Variants in DZIP1L observed in about 807,000 individuals in gnomAD.
DZIP1L encodes cilium assembly protein DZIP1L.
DZIP1L carries 90 observed loss-of-function variants against 88.7 expected under a neutral mutation model. That is an observed-to-expected ratio of 1.02 (90% CI 0.86 to 1.21). DZIP1L has a LOEUF of 1.21. Among genes scored for constraint, DZIP1L ranks in the 50% most tolerant of loss-of-function variants. The probability of loss-of-function intolerance (pLI) is 0.00; values close to 1 mark genes in which losing one functional copy is unlikely to be tolerated. For synonymous variants in DZIP1L, 363 were observed against 372.1 expected, an observed-to-expected ratio of 0.98 and a Z score of 0.28; for missense variants, 932 against 955.8, an observed-to-expected ratio of 0.98 and a Z score of 0.33.
intron 12 of DZIP1L, chr3:138,068,971 CAT>C (rs769077209): frequency 7.8e-5 from 99 of 1,273,098 alleles, no homozygotes; most frequent in African/African-American, 1.5e-4. Flanking sequence ...GGGAGTCAGA[CAT>C]GTGTGGATTG....
At position 138,108,130 on chromosome 3, in the gene DZIP1L, C is replaced by A. The variant is rs774361960; in HGVS notation, c.-81-4078G>T. 114 of 909,504 alleles carry A rather than the reference C, an allele frequency of 1.3e-4. No homozygotes were observed. In the Admixed American group the frequency reaches 1.9e-3, roughly 15 times the overall value. The allele number at this position is 909,504 out of a possible 1,614,324, so 56.3% of individuals were successfully genotyped here. Reference sequence around the variant, plus strand: ...TCCCAAGTAGCTGGGACTACAGGTGCCCGCCACCATGCCTGGCTAATTTTT... The same window carrying A: ...TCCCAAGTAGCTGGGACTACAGGTGACCGCCACCATGCCTGGCTAATTTTT... On this transcript the variant is annotated intron_variant, in intron 1 of 15. Transcript: ENST00000327532.
At chr3:138,064,282 A>G in intron 15 of DZIP1L, 2 of 1,020,106 alleles carry the variant, frequency 2.0e-6, no homozygotes, top group East Asian at 5.7e-5. Flanking sequence ...ACTGGGGAGG[A>G]GCCCACTGTG....
At chr3:138,071,965 G>C (rs781547395) in intron 11 of DZIP1L, 130 bp from the exon 12 acceptor site, 9 of 877,386 alleles carry the variant, frequency 1.0e-5, no homozygotes, top group African/African-American at 3.4e-5. Context: ...TGCAGGACTG[G>C]GGGGCATGAA....
At chr3:138,095,772 ACT>A (rs1377405875) in intron 3 of DZIP1L, among the ~76,000 whole-genome samples, 2 of 151,974 alleles carry the variant, frequency 1.3e-5, no homozygotes, top group Non-Finnish European at 2.9e-5. Flanking sequence ...ACAGAGCGAG[ACT>A]CTGTCTCAAT....
chr3:138,074,379 G>A (rs879614471), intron 11 of DZIP1L, among the ~76,000 whole-genome samples: 10 of 152,164 alleles, frequency 6.6e-5, no homozygotes, highest in Admixed American at 6.5e-4. Flanking sequence ...AACCCTACAA[G>A]CTAGAAGGGA....
At chr3:138,082,143 T>G (rs1372386399) in intron 8 of DZIP1L, among the ~76,000 whole-genome samples, 3 of 152,238 alleles carry the variant, frequency 2.0e-5, no homozygotes, top group Non-Finnish European at 4.4e-5. Flanking sequence ...TGCGGGCGTC[T>G]GAGCAGAGCA....
chr3:138,069,251 G>T, intron 12 of DZIP1L: 1 of 517,304 alleles, frequency 1.9e-6, no homozygotes, highest in Non-Finnish European at 3.5e-6. Context: ...GCTCTTCCTT[G>T]TGATTTTCTT....
At chr3:138,094,784 T>A in intron 4 of DZIP1L, 78 bp downstream of exon 4, 1 of 1,580,330 alleles carries the variant, frequency 6.3e-7, no homozygotes, top group Non-Finnish European at 8.6e-7. Flanking sequence ...ATTTTTGCCC[T>A]GTGGGATTCA....
intron 3 of DZIP1L, among the ~76,000 whole-genome samples, chr3:138,097,296 G>C (rs561404232): frequency 1.3e-5 from 2 of 152,308 alleles, no homozygotes; most frequent in East Asian, 3.9e-4. Context: ...AAATTAAAGT[G>C]ATTAGATCAT....
chr3:138,071,603 T>G (rs1207918231), intron 12 of DZIP1L, 40 bp downstream of exon 12: 1 of 1,580,102 alleles, frequency 6.3e-7, no homozygotes, highest in East Asian at 2.2e-5. Flanking sequence ...ATGGGACCCT[T>G]ACAGGTCACA....
chr3:138,079,855 T>C (rs1479893239), intron 10 of DZIP1L, among the ~76,000 whole-genome samples: 2 of 152,216 alleles, frequency 1.3e-5, no homozygotes, highest in Admixed American at 6.5e-5. Context: ...AACTCTGAAA[T>C]TGTCATATCA....
chr3:138,103,396 C>T lies in DZIP1L; in HGVS notation c.501+75G>A, dbSNP rs548091482. The stretch of plus-strand genomic sequence containing the variant: ...CAGCCTTAAGGTCCCAGCAGTGCTG[C>T]CCAGTGGCAACAGTTGCCCCAGTGG... On this transcript the variant is annotated intron_variant, in intron 2 of 15. Coordinates refer to ENST00000327532, the MANE Select transcript of DZIP1L (RefSeq NM_173543.3). 9.3e-6 allele frequency: 14 copies of T among 1,500,238 alleles called. No homozygotes were observed. In the East Asian group the frequency reaches 2.7e-4, roughly 29 times the overall value. 92.9% of individuals were successfully genotyped at this position (1,500,238 alleles called of 1,614,324 possible). A position where few individuals can be genotyped will look rare whatever the true frequency, so the allele number is the denominator to read the frequency against.
chr3:138,110,342 C>T (rs1463479398), intron 1 of DZIP1L, among the ~76,000 whole-genome samples: 1 of 152,000 alleles, frequency 6.6e-6, no homozygotes, highest in Non-Finnish European at 1.5e-5. Context: ...AGGAGAAATA[C>T]CTAATGTAAA....
Position 138,070,132 on chromosome 3 carries a change from G to A in DZIP1L, c.1615+1511C>T, listed in dbSNP as rs766109919. Among the ~76,000 whole-genome samples the A allele has an allele frequency of 1.8e-4, 27 of 152,068 alleles. 1 individual carries two copies. Among genetic ancestry groups the A allele is most frequent in the Admixed American group, 7.9e-4 (12 of 15,264 alleles). ...GGGTTTTTCCATTCATCCTCCCCAA[G>A]TCCCTGTCCCCTCCCTCCTCTGAGC... is the stretch of plus-strand genomic sequence containing the variant. On this transcript the variant is annotated intron_variant, in intron 12 of 15. Transcript: ENST00000327532.
chr3:138,087,160 T>C, intron 6 of DZIP1L, 137 bp from the exon 7 acceptor site: 12 of 706,646 alleles, frequency 1.7e-5, no homozygotes, highest in Non-Finnish European at 2.6e-5. Context: ...CAGACAAAGA[T>C]GGAAATACAT....
chr3:138,104,045 G>C lies in DZIP1L; in HGVS notation c.-74C>G. The C allele has an allele frequency of 6.6e-7, 1 of 1,526,398 alleles. No homozygotes were observed. The highest frequency in any genetic ancestry group is 8.7e-7 in the Non-Finnish European group (1 of 1,149,356). The allele number at this position is 1,526,398 out of a possible 1,614,324, so 94.6% of individuals were successfully genotyped here. A position where few individuals can be genotyped will look rare whatever the true frequency, so the allele number is the denominator to read the frequency against. ...CCACGGCAGTAGGCCAAGGAGCTGA[G>C]AGAAGGCCTGGAAAATAAGAAGAGA... On this transcript the variant is annotated 5_prime_UTR_variant, in exon 2 of 16. Transcript: ENST00000327532.
intron 5 of DZIP1L, among the ~76,000 whole-genome samples, chr3:138,089,532 A>G (rs1944105070): frequency 2.0e-5 from 3 of 152,216 alleles, no homozygotes; most frequent in Non-Finnish European, 4.4e-5. Context: ...AAAAGTTTTG[A>G]GGAAAAAATA....
intron 7 of DZIP1L, among the ~76,000 whole-genome samples, 180 bp from the exon 8 acceptor site, chr3:138,084,433 AG>A (rs1943828934): frequency 6.6e-6 from 1 of 152,196 alleles, no homozygotes; most frequent in Admixed American, 6.5e-5. Flanking sequence ...GCTGTGCCTG[AG>A]AAGAAGTAAG....
chr3:138,068,229 G>A lies in DZIP1L; in HGVS notation c.1754C>T (p.Thr585Ile), dbSNP rs1207270158. 8 of 1,595,108 alleles carry A rather than the reference G, an allele frequency of 5.0e-6. No homozygotes were observed. The highest frequency in any genetic ancestry group is 3.4e-5 in the South Asian group (3 of 88,016). The change falls in exon 13 of 16, where the codon ACC (threonine) becomes ATC (isoleucine). Residue 585 changes from threonine (T) to isoleucine (I), a missense_variant. Physicochemically the swap from Thr to Ile is moderately conservative, Grantham distance 89. Transcript: ENST00000327532. ...QSHGSHGSSLTQVSAPAPRPG... is the reference protein window; with the variant it reads ...QSHGSHGSSLIQVSAPAPRPG... ...GCGTGGAGCGGGGGCGGACACCTGG[G>A]TCAGGCTGGAGCCATGGCTGCCATG...
Sources: gnomAD v4.1 joint callset for allele counts (sites outside exome capture counted in the v4.1 genomes callset) on GRCh38, gnomAD v4.1.1 for gene constraint, MANE v1.5 for transcripts, NCBI Gene and HGNC (gene_info 2026-07-23, HGNC 2026-07-21) for gene names.